The following TIA1 variants were observed in gnomAD, a reference collection of about 807,000 sequenced individuals.
TIA1 encodes cytotoxic granule associated RNA binding protein TIA1.
TIA1 carries 23 observed loss-of-function variants against 65.9 expected under a neutral mutation model. That is an observed-to-expected ratio of 0.35 (90% CI 0.25 to 0.49). The LOEUF (loss-of-function observed/expected upper bound fraction) is 0.49. TIA1 is among the 20% of genes least tolerant of loss of function. The probability of loss-of-function intolerance (pLI) is 0.98; values close to 1 mark genes in which losing one functional copy is unlikely to be tolerated. For missense variants in TIA1, 371 were observed against 477.9 expected (o/e 0.78, Z 2.09); for synonymous variants, 147 against 149.4 (o/e 0.98, Z 0.12).
intron 1 of TIA1, among the ~76,000 whole-genome samples, chr2:70,241,794 A>C (rs1573793358): frequency 6.6e-6 from 1 of 152,052 alleles, no homozygotes; most frequent in East Asian, 1.9e-4. Flanking sequence ...ATAAGAAAAA[A>C]TTAGCTGGGT....
intron 1 of TIA1, among the ~76,000 whole-genome samples, chr2:70,241,809 T>G (rs1178038190): frequency 1.3e-5 from 2 of 151,758 alleles, no homozygotes; most frequent in Admixed American, 1.3e-4. Flanking sequence ...CTGGGTGTGG[T>G]GGTGTGCACC....
intron 1 of TIA1, among the ~76,000 whole-genome samples, chr2:70,236,654 G>T (rs987148232): frequency 2.6e-5 from 4 of 151,722 alleles, no homozygotes; most frequent in African/African-American, 7.3e-5. Flanking sequence ...TTCAGACAAG[G>T]TCTTCTGGGT....
At chr2:70,226,152 GA>G (rs952233526) in intron 6 of TIA1, among the ~76,000 whole-genome samples, 2 of 147,802 alleles carry the variant, frequency 1.4e-5, no homozygotes, top group Non-Finnish European at 1.5e-5. Context: ...GTCTTACCAA[GA>G]AAAAAAAAGT....
chr2:70,227,741 C>T lies in TIA1; in HGVS notation c.392G>A (p.Arg131Lys). Residue 131 changes from arginine (R) to lysine (K), a missense_variant, in exon 6 of 13, where the codon AGA becomes AAA. Physicochemically the swap from Arg to Lys is conservative, Grantham distance 26. Coordinates refer to ENST00000433529, the MANE Select transcript of TIA1 (RefSeq NM_022173.4). ...TTTATCTTCTGTTACTTACGATATT[C>T]TTCCAAATGGTGCAAAAGCAGCTTT... ...DIKAAFAPFG[R>K]ISDARVVKDM... 5 of 1,584,206 alleles carry T rather than the reference C, an allele frequency of 3.2e-6. No individual in the cohort carries two copies. Among genetic ancestry groups the T allele is most frequent in the Non-Finnish European group, 4.3e-6 (5 of 1,161,906 alleles).
At chr2:70,226,723 AT>A (rs1271369555) in intron 6 of TIA1, among the ~76,000 whole-genome samples, 1 of 152,182 alleles carries the variant, frequency 6.6e-6, no homozygotes, top group Non-Finnish European at 1.5e-5. Flanking sequence ...CTAAGATATT[AT>A]TAAGAAGGAC....
Position 70,227,953 on chromosome 2 carries a change from C to T in TIA1, c.311-131G>A, listed in dbSNP as rs192108075. ...GATAAAGTATAAATAAAACACTATC[C>T]TATATCTATACAAATCCTACCAATT... On this transcript the variant is annotated intron_variant, in intron 5 of 12. Coordinates refer to ENST00000433529, the MANE Select transcript of TIA1 (RefSeq NM_022173.4). 1.0e-4 allele frequency: 55 copies of T among 529,654 alleles called. No individual in the cohort carries two copies. The East Asian group carries it at 1.9e-3, about 18-fold the overall frequency. 32.8% of individuals were successfully genotyped at this position (529,654 alleles called of 1,614,324 possible). A position where few individuals can be genotyped will look rare whatever the true frequency, so the allele number is the denominator to read the frequency against.
At chr2:70,216,043 C>T (rs1678501436) in intron 10 of TIA1, 165 bp downstream of exon 10, 1 of 651,258 alleles carries the variant, frequency 1.5e-6, no homozygotes, top group Non-Finnish European at 2.5e-6. Context: ...TGAGCCACCG[C>T]ACCCGGCCAA....
chr2:70,233,525 T>G (rs1353494083), intron 2 of TIA1, among the ~76,000 whole-genome samples: 2 of 152,130 alleles, frequency 1.3e-5, no homozygotes, highest in Admixed American at 1.3e-4. Context: ...TCCCAGCACT[T>G]TGGGAAGCTG....
At chr2:70,226,849 A>G (rs528169963) in intron 6 of TIA1, among the ~76,000 whole-genome samples, 9 of 152,250 alleles carry the variant, frequency 5.9e-5, no homozygotes, top group African/African-American at 2.2e-4. Flanking sequence ...AAAGTTGGTA[A>G]TTCCTTGGTC....
At chr2:70,245,546 A>C (rs997199565) in intron 1 of TIA1, among the ~76,000 whole-genome samples, 2 of 152,238 alleles carry the variant, frequency 1.3e-5, no homozygotes, top group Non-Finnish European at 2.9e-5. Flanking sequence ...ATTCAGACTC[A>C]CTATACACGT....
chr2:70,221,098 C>G (rs1285707394), intron 7 of TIA1, among the ~76,000 whole-genome samples: 1 of 152,184 alleles, frequency 6.6e-6, no homozygotes, highest in African/African-American at 2.4e-5. Context: ...CCTTTGCCTC[C>G]CAGGTTCAAG....
Position 70,224,417 on chromosome 2 carries a change from G to A in TIA1, c.474+137C>T, listed in dbSNP as rs561698473. ...CAATAAATGTTAAACAGACAAAACA[G>A]AAGAAATCTTCTAGTGAGGGTTTAT... On this transcript the variant is annotated intron_variant, in intron 7 of 12. Coordinates refer to ENST00000433529, the MANE Select transcript of TIA1 (RefSeq NM_022173.4). The A allele has an allele frequency of 2.4e-6, 3 of 1,252,998 alleles. No homozygotes were observed. The East Asian group carries it at 7.6e-5, about 32-fold the overall frequency. The allele number at this position is 1,252,998 out of a possible 1,614,324, so 77.6% of individuals were successfully genotyped here.
intron 5 of TIA1, 145 bp downstream of exon 5, chr2:70,228,914 A>G: frequency 2.2e-5 from 29 of 1,327,454 alleles, no homozygotes; most frequent in East Asian, 1.3e-4. Context: ...CAACACTGAG[A>G]AGGGAGAAAA....
chr2:70,229,020 T>C, intron 5 of TIA1, 39 bp downstream of exon 5: 1 of 1,504,968 alleles, frequency 6.6e-7, no homozygotes, highest in Non-Finnish European at 9.0e-7. Flanking sequence ...GAATACCCTT[T>C]CAAGAGATTT....
intron 8 of TIA1, 109 bp downstream of exon 8, chr2:70,216,777 G>A (rs1678805716): frequency 6.2e-7 from 1 of 1,604,578 alleles, no homozygotes; most frequent in East Asian, 2.2e-5. Flanking sequence ...GTCTTGATTT[G>A]CTTCTCATCT....
chr2:70,242,104 G>A (rs1692059234), intron 1 of TIA1, among the ~76,000 whole-genome samples: 1 of 152,000 alleles, frequency 6.6e-6, no homozygotes, highest in African/African-American at 2.4e-5. Flanking sequence ...ATATAAGATG[G>A]TAACATTAAG....
At chr2:70,235,113 C>T (rs937295827) in intron 2 of TIA1, among the ~76,000 whole-genome samples, 1 of 152,024 alleles carries the variant, frequency 6.6e-6, no homozygotes, top group African/African-American at 2.4e-5. Context: ...TTTAACATAG[C>T]CTTTCCCATT....
chr2:70,244,810 G>A (rs1174900045), intron 1 of TIA1, among the ~76,000 whole-genome samples: 1 of 142,984 alleles, frequency 7.0e-6, no homozygotes, highest in Non-Finnish European at 1.5e-5. Context: ...ATTCCAGCCT[G>A]GGTGACAGAG....
chr2:70,248,097 T>C (rs1355632733), intron 1 of TIA1, among the ~76,000 whole-genome samples: 1 of 152,166 alleles, frequency 6.6e-6, no homozygotes, highest in African/African-American at 2.4e-5. Context: ...CGACGAGTTC[T>C]AAAAAGAGGT....
Sources: allele counts gnomAD v4.1 joint callset (sites outside exome capture counted in the v4.1 genomes callset), GRCh38; gene constraint gnomAD v4.1.1; transcripts MANE v1.5; gene names NCBI Gene and HGNC (gene_info 2026-07-23, HGNC 2026-07-21).